The following USP30 variants were observed in gnomAD, a reference collection of about 807,000 sequenced individuals.
The protein encoded by USP30 is ubiquitin specific peptidase 30.
A neutral mutation model predicts 68.2 loss-of-function variants in USP30; 41 were observed. The ratio of observed to expected loss-of-function variants is 0.60; its 90% CI spans 0.47 to 0.78. The LOEUF (loss-of-function observed/expected upper bound fraction) is 0.78. Among genes scored for constraint, USP30 ranks in the 30% least tolerant of loss-of-function variants. USP30 has a pLI of 0.00. For synonymous variants in USP30, 229 were observed against 253.7 expected (o/e 0.90, Z 0.93); for missense variants, 522 against 649.4 (o/e 0.80, Z 2.13).
At chr12:109,082,054 G>A in intron 9 of USP30, 35 bp downstream of exon 9, 1 of 1,607,626 alleles carries the variant, frequency 6.2e-7, no homozygotes, top group Non-Finnish European at 8.5e-7. Flanking sequence ...TCGCCAGCTG[G>A]CCTGTGTGTG....
intron 7 of USP30, among the ~76,000 whole-genome samples, chr12:109,079,496 T>G (rs547736932): frequency 1.3e-5 from 2 of 151,502 alleles, no homozygotes; most frequent in African/African-American, 4.8e-5. Flanking sequence ...CCTGAGCAGC[T>G]GGGACTACAG....
chr12:109,076,732 CTT>C (rs71079520), intron 7 of USP30, among the ~76,000 whole-genome samples: 4 of 124,730 alleles, frequency 3.2e-5, no homozygotes, highest in Admixed American at 9.1e-5. Context: ...TTGATTTTTT[CTT>C]TTTTTTTTTT....
In USP30 at chr12:109,082,031, AC is replaced by A; in HGVS notation, c.867+16del. The A allele has an allele frequency of 6.2e-7, 1 of 1,613,890 alleles. No individual in the cohort carries two copies. The highest frequency in any genetic ancestry group is 8.5e-7 in the Non-Finnish European group (1 of 1,179,882). On this transcript the variant is annotated intron_variant, in intron 9 of 12. Coordinates refer to ENST00000257548, the MANE Select transcript of USP30 (RefSeq NM_032663.5). ...ACAACTGTACAAAGGTATGCATTGA[AC>A]CCCAAATGTCATCGCCAGCTGGCCT...
chr12:109,039,520 AAGG>A (rs1200171750), intron 3 of USP30, among the ~76,000 whole-genome samples: 1 of 152,208 alleles, frequency 6.6e-6, no homozygotes, highest in Admixed American at 6.5e-5. Context: ...GTGAGAATAT[AAGG>A]AGATGATACA....
At position 109,085,656 on chromosome 12, in the gene USP30, G is replaced by A. The variant is rs776952861; in HGVS notation, c.1290-11G>A. 9.9e-6 allele frequency: 16 copies of A among 1,613,176 alleles called. No homozygotes were observed. The highest frequency in any genetic ancestry group is 2.2e-5 in the East Asian group (1 of 44,872). ...AATTGTAAACCCCTGACATGTGTTC[G>A]TATCATTCAGCTCCTCCACATACCT... On this transcript the variant is annotated splice_polypyrimidine_tract_variant and intron_variant, in intron 12 of 12. Coordinates refer to ENST00000257548, the MANE Select transcript of USP30 (RefSeq NM_032663.5).
Position 109,071,597 on chromosome 12 carries a change from T to A in USP30, c.481-15T>A. On this transcript the variant is annotated splice_polypyrimidine_tract_variant and intron_variant, in intron 4 of 12. Coordinates refer to ENST00000257548, the MANE Select transcript of USP30 (RefSeq NM_032663.5). ...CTCTTCCAACCTCTCTAAAGAATGC[T>A]TTGCCCTATGACAGGATGCTCACGA... 1 of 1,612,602 alleles carries A rather than the reference T, an allele frequency of 6.2e-7. No homozygotes were observed. The highest frequency in any genetic ancestry group is 8.5e-7 in the Non-Finnish European group (1 of 1,178,726).
intron 1 of USP30, chr12:109,054,882 A>G (rs1240467978): frequency 6.6e-6 from 1 of 152,236 alleles, no homozygotes; most frequent in Non-Finnish European, 1.5e-5. Context: ...GCTATCAGCT[A>G]TGATACTAAG....
intron 3 of USP30, 145 bp from the exon 4 acceptor site, chr12:109,067,379 A>G (rs1021260481): frequency 5.9e-5 from 36 of 612,780 alleles, no homozygotes; most frequent in Admixed American, 3.0e-5. Flanking sequence ...GGCCTCCCAA[A>G]ATTCTGGGAT....
In USP30 at chr12:109,084,977, A is replaced by C. The variant is rs1465305172; in HGVS notation, c.1193A>C (p.Lys398Thr). ...TPVLNQPGAP[K>T]TQIFMNGACS... ...GTTCTGAATCAGCCAGGGGCCCCCA[A>C]AACACAGATTTTTATGAATGGCGCC... The change falls in exon 12 of 13, where the codon AAA becomes ACA. Residue 398 changes from lysine (K) to threonine (T), a missense_variant. Transcript: ENST00000257548. The C allele has an allele frequency of 6.2e-7, 1 of 1,602,614 alleles. No homozygotes were observed. Among genetic ancestry groups the C allele is most frequent in the Non-Finnish European group, 8.5e-7 (1 of 1,173,320 alleles).
chr12:109,067,682 T>A, intron 4 of USP30, 55 bp downstream of exon 4: 3 of 1,494,318 alleles, frequency 2.0e-6, no homozygotes, highest in South Asian at 1.1e-5. Flanking sequence ...CCTAGTGACT[T>A]GGGGCCTGAC....
At chr12:109,035,628 C>T (rs1030478060) in intron 3 of USP30, among the ~76,000 whole-genome samples, 4 of 152,152 alleles carry the variant, frequency 2.6e-5, no homozygotes, top group Non-Finnish European at 5.9e-5. Flanking sequence ...TCCCAAAGTG[C>T]TGGGATTACA....
intron 11 of USP30, 27 bp downstream of exon 11, chr12:109,083,089 G>A (rs771837000): frequency 6.4e-7 from 1 of 1,560,612 alleles, no homozygotes; most frequent in South Asian, 1.2e-5. Context: ...AGCCGATGCA[G>A]CAGGAATTTT....
intron 7 of USP30, among the ~76,000 whole-genome samples, chr12:109,080,800 T>C (rs2041774471): frequency 2.0e-5 from 3 of 152,226 alleles, no homozygotes; most frequent in Admixed American, 1.3e-4. Flanking sequence ...GCCCACTGTG[T>C]TACAGTTGCT....
chr12:109,071,327 G>A (rs1298286317), intron 4 of USP30, among the ~76,000 whole-genome samples: 2 of 152,238 alleles, frequency 1.3e-5, no homozygotes, highest in African/African-American at 4.8e-5. Flanking sequence ...AAATCGGAGT[G>A]GAGGTCAAGG....
At position 109,074,835 on chromosome 12, in the gene USP30, T is replaced by C. The variant is rs1414071413; in HGVS notation, c.720+1303T>C. Among the ~76,000 whole-genome samples, 7 of 152,202 alleles carry C rather than the reference T, an allele frequency of 4.6e-5. No homozygotes were observed. In the East Asian group the frequency reaches 5.8e-4, roughly 13 times the overall value. On this transcript the variant is annotated intron_variant, in intron 7 of 12. Coordinates refer to ENST00000257548, the MANE Select transcript of USP30 (RefSeq NM_032663.5). ...CTGTACGTTAACTCTCCAGAACTTA[T>C]TCGTCTTATAACTGAAGGTTTGCAT...
At chr12:109,041,250 A>G (rs2040562431) in intron 3 of USP30, among the ~76,000 whole-genome samples, 1 of 152,204 alleles carries the variant, frequency 6.6e-6, no homozygotes, top group Non-Finnish European at 1.5e-5. Flanking sequence ...CTTGCTGGGG[A>G]AAACAACCCA....
At chr12:109,029,847 G>A (rs992158122) in intron 3 of USP30, among the ~76,000 whole-genome samples, 1 of 152,068 alleles carries the variant, frequency 6.6e-6, no homozygotes, top group Non-Finnish European at 1.5e-5. Flanking sequence ...CCGGTTCCTA[G>A]AAGGTAGGGT....
chr12:109,067,574 T>C lies in USP30; in HGVS notation c.427T>C (p.Leu143=). ...TGATGAGGTCTTAGATGCAAGCTGC[T>C]TGTTGGATGTCTTAAGAATGTACAG... ...TDDEVLDASC[L]LDVLRMYRWQ... Residue 143 remains leucine (L), a synonymous_variant, in exon 4 of 13, where the codon TTG becomes CTG. Coordinates refer to ENST00000257548, the MANE Select transcript of USP30 (RefSeq NM_032663.5). The C allele has an allele frequency of 6.2e-7, 1 of 1,614,206 alleles. No homozygotes were observed. The highest frequency in any genetic ancestry group is 8.5e-7 in the Non-Finnish European group (1 of 1,180,028).
At chr12:109,043,756 G>C (rs530186431) in intron 3 of USP30, among the ~76,000 whole-genome samples, 1 of 152,108 alleles carries the variant, frequency 6.6e-6, no homozygotes, top group Non-Finnish European at 1.5e-5. Context: ...AAACTTTTGC[G>C]CATCAAAAGA....
Sources: allele counts gnomAD v4.1 joint callset (sites outside exome capture counted in the v4.1 genomes callset), GRCh38; gene constraint gnomAD v4.1.1; transcripts MANE v1.5; gene names NCBI Gene and HGNC (gene_info 2026-07-23, HGNC 2026-07-21).